The following EYA1 variants were observed in gnomAD, a reference collection of about 807,000 sequenced individuals.
EYA1 encodes protein phosphatase EYA1.
Under a neutral mutation model 82.0 loss-of-function variants are expected in EYA1, and 16 were observed. That is an observed-to-expected ratio of 0.20 (90% CI 0.13 to 0.30). The LOEUF (loss-of-function observed/expected upper bound fraction) is 0.30. Among genes scored for constraint, EYA1 ranks in the 10% least tolerant of loss-of-function variants. EYA1 has a pLI of 1.00. For synonymous variants in EYA1, 261 were observed against 264.4 expected (o/e 0.99, Z 0.12); for missense variants, 633 against 730.7 (o/e 0.87, Z 1.54).
chr8:71,399,899 T>C (rs1177717124), intron 2 of EYA1, among the ~76,000 whole-genome samples: 1 of 152,148 alleles, frequency 6.6e-6, no homozygotes, highest in Non-Finnish European at 1.5e-5. Flanking sequence ...CTTCAAACTA[T>C]ACTACAAGGC....
intron 10 of EYA1, among the ~76,000 whole-genome samples, chr8:71,271,309 T>G (rs1013896374): frequency 1.3e-5 from 2 of 152,226 alleles, no homozygotes; most frequent in African/African-American, 4.8e-5. Flanking sequence ...CTCTTTTAGT[T>G]ATTTGAAAAT....
chr8:71,281,227 T>C (rs139576158), intron 9 of EYA1, among the ~76,000 whole-genome samples: 85 of 152,324 alleles, frequency 5.6e-4, no homozygotes, highest in Non-Finnish European at 9.7e-4. Flanking sequence ...GGTTTTCTTA[T>C]GTTATTTTGT....
At chr8:71,536,517 A>AT (rs1563715428) in intron 1 of EYA1, among the ~76,000 whole-genome samples, 1 of 152,190 alleles carries the variant, frequency 6.6e-6, no homozygotes, top group East Asian at 1.9e-4. Context: ...TTCAAAAAAA[A>AT]ATATAGCAAT....
intron 2 of EYA1, among the ~76,000 whole-genome samples, chr8:71,527,010 A>G (rs890905613): frequency 6.6e-6 from 1 of 152,262 alleles, no homozygotes; most frequent in African/African-American, 2.4e-5. Flanking sequence ...AAAATTGTAT[A>G]TGATACTATA....
chr8:71,393,993 T>C (rs910308364), intron 2 of EYA1, among the ~76,000 whole-genome samples: 16 of 152,224 alleles, frequency 1.1e-4, no homozygotes, highest in East Asian at 1.9e-4. Flanking sequence ...CTAACTGGTG[T>C]GAGATGGTAT....
At chr8:71,215,840 T>C (rs959737645) in intron 14 of EYA1, 112 bp from the exon 15 acceptor site, 13 of 739,680 alleles carry the variant, frequency 1.8e-5, no homozygotes, top group Middle Eastern at 2.2e-4. Flanking sequence ...AGATTTATAG[T>C]ATACAAAGTA....
chr8:71,529,043 C>A (rs1814046032), intron 2 of EYA1, among the ~76,000 whole-genome samples: 1 of 152,132 alleles, frequency 6.6e-6, no homozygotes, highest in African/African-American at 2.4e-5. Context: ...GGGGACCCAG[C>A]AATATAGGTC....
chr8:71,462,551 G>A (rs1176266577), intron 2 of EYA1, among the ~76,000 whole-genome samples: 1 of 152,178 alleles, frequency 6.6e-6, no homozygotes, highest in African/African-American at 2.4e-5. Flanking sequence ...TGTGCAGGTG[G>A]CCCCAGCAGC....
chr8:71,217,834 C>T (rs1203798527), intron 12 of EYA1, among the ~76,000 whole-genome samples: 1 of 152,176 alleles, frequency 6.6e-6, no homozygotes, highest in Non-Finnish European at 1.5e-5. Context: ...GGAAGCCATG[C>T]TTACAGGCTA....
intron 11 of EYA1, among the ~76,000 whole-genome samples, chr8:71,252,134 A>C (rs780657681): frequency 7.9e-5 from 12 of 152,068 alleles, no homozygotes; most frequent in Non-Finnish European, 1.6e-4. Flanking sequence ...ATAAACTTCA[A>C]GTATCATTAA....
At chr8:71,527,268 CTT>C (rs1269194715) in intron 2 of EYA1, among the ~76,000 whole-genome samples, 1 of 152,206 alleles carries the variant, frequency 6.6e-6, no homozygotes, top group Non-Finnish European at 1.5e-5. Context: ...GGATGCTTGA[CTT>C]TGATGATTGG....
At chr8:71,226,200 C>T (rs576004194) in intron 12 of EYA1, among the ~76,000 whole-genome samples, 5 of 150,450 alleles carry the variant, frequency 3.3e-5, no homozygotes, top group African/African-American at 1.2e-4. Context: ...ATTGCATGAA[C>T]ACATGTTTTT....
At chr8:71,290,428 A>G (rs1471618863) in intron 9 of EYA1, among the ~76,000 whole-genome samples, 1 of 152,188 alleles carries the variant, frequency 6.6e-6, no homozygotes, top group African/African-American at 2.4e-5. Context: ...ACAAAAGAAG[A>G]TAATAAATGT....
At chr8:71,316,243 G>C (rs941367363) in intron 7 of EYA1, among the ~76,000 whole-genome samples, 2 of 152,032 alleles carry the variant, frequency 1.3e-5, no homozygotes, top group Non-Finnish European at 1.5e-5. Flanking sequence ...CCTTAAAGGA[G>C]CATAAAACAA....
At chr8:71,547,322 C>A (rs967747361) in intron 1 of EYA1, among the ~76,000 whole-genome samples, 1 of 152,202 alleles carries the variant, frequency 6.6e-6, no homozygotes, top group African/African-American at 2.4e-5. Flanking sequence ...CAAGAGGACC[C>A]TCCCCTCCGT....
At chr8:71,423,762 A>G (rs1831272718) in intron 2 of EYA1, among the ~76,000 whole-genome samples, 1 of 152,218 alleles carries the variant, frequency 6.6e-6, no homozygotes, top group Admixed American at 6.5e-5. Context: ...TTTTCTTAAA[A>G]TAGTTAACAG....
chr8:71,290,316 G>A (rs761202212), intron 9 of EYA1, among the ~76,000 whole-genome samples: 8 of 152,104 alleles, frequency 5.3e-5, no homozygotes, highest in East Asian at 1.9e-4. Context: ...AGTAAATGCC[G>A]ATGTCCTCCA....
intron 2 of EYA1, among the ~76,000 whole-genome samples, chr8:71,499,082 T>C (rs1304239360): frequency 6.6e-6 from 1 of 152,058 alleles, no homozygotes; most frequent in Non-Finnish European, 1.5e-5. Context: ...AACGAGGGTG[T>C]GTCTGGGGGG....
chr8:71,509,647 C>T (rs990610769), intron 2 of EYA1, among the ~76,000 whole-genome samples: 1 of 152,084 alleles, frequency 6.6e-6, no homozygotes, highest in South Asian at 2.1e-4. Context: ...AACCATTTCT[C>T]GGCCAATGTA....
Sources: allele counts gnomAD v4.1 joint callset (sites outside exome capture counted in the v4.1 genomes callset), GRCh38; gene constraint gnomAD v4.1.1; transcripts MANE v1.5; gene names NCBI Gene and HGNC (gene_info 2026-07-23, HGNC 2026-07-21).